Variants in MTTP observed in about 807,000 individuals in gnomAD.
MTTP encodes microsomal triglyceride transfer protein large subunit.
A neutral mutation model predicts 90.6 loss-of-function variants in MTTP; 49 were observed. The observed-to-expected ratio is 0.54, with a 90% CI of 0.43 to 0.69. The LOEUF is 0.69. MTTP is among the 30% of genes least tolerant of loss of function. The pLI is 0.00. For missense variants in MTTP, 945 were observed against 1,067.5 expected, an observed-to-expected ratio of 0.89 and a Z score of 1.60; for synonymous variants, 347 against 384.2, an observed-to-expected ratio of 0.90 and a Z score of 1.13.
Position 99,591,289 on chromosome 4 carries a change from AT to A in MTTP, c.557del (p.Ile186ThrfsTer11). 6.2e-7 allele frequency: 1 copy of A among 1,614,096 alleles called. No individual in the cohort carries two copies. The highest frequency in any genetic ancestry group is 8.5e-7 in the Non-Finnish European group (1 of 1,179,950). On this transcript the variant is annotated frameshift_variant, in exon 5 of 18. Coordinates refer to ENST00000265517, the MANE Select transcript of MTTP (RefSeq NM_001386140.1). LOFTEE classifies it high-confidence loss of function. Reference sequence around the variant, plus strand: ...CTACCAGGCTCATCAAGACAAAGTGATCAAAATTAAGGCCTTGGATTCATGC... The same window carrying A: ...CTACCAGGCTCATCAAGACAAAGTGACAAAATTAAGGCCTTGGATTCATGC... ...VTYQAHQDKV[I>X]KIKALDSCKI...
Position 99,610,820 on chromosome 4 carries a change from A to C in MTTP, c.1770-323A>C, listed in dbSNP as rs533705704. Reference sequence around the variant, plus strand: ...CAATTTTCCTTTAAGTGTATGCACTATTAAACAATAAAACCATGACGAATC... The same window carrying C: ...CAATTTTCCTTTAAGTGTATGCACTCTTAAACAATAAAACCATGACGAATC... On this transcript the variant is annotated intron_variant, in intron 12 of 17. Coordinates refer to ENST00000265517, the MANE Select transcript of MTTP (RefSeq NM_001386140.1). 3.3e-5 allele frequency among the ~76,000 whole-genome samples: 5 copies of C among 152,348 alleles called. No individual in the cohort carries two copies. In the South Asian group the frequency reaches 1.0e-3, roughly 32 times the overall value.
chr4:99,622,753 G>C lies in MTTP; in HGVS notation c.2590G>C (p.Ala864Pro), dbSNP rs374454636. Residue 864 changes from alanine to proline, a missense_variant, in exon 18 of 18, where the codon GCA becomes CCA. Physicochemically the swap from Ala to Pro is conservative, Grantham distance 27. Coordinates refer to ENST00000265517, the MANE Select transcript of MTTP (RefSeq NM_001386140.1). ...TCAGAAAAGAAAAGAAAGCGTATTA[G>C]CAGGATGTGAATTCCCGCTCCATCA... ...VSQKRKESVLAGCEFPLHQEN... is the reference protein window; with the variant it reads ...VSQKRKESVLPGCEFPLHQEN... The C allele has an allele frequency of 1.2e-6, 2 of 1,613,996 alleles. No homozygotes were observed. The highest frequency in any genetic ancestry group is 1.3e-5 in the African/African-American group (1 of 74,912).
intron 5 of MTTP, 53 bp downstream of exon 5, chr4:99,591,404 GA>G: frequency 7.4e-7 from 1 of 1,345,044 alleles, no homozygotes; most frequent in Non-Finnish European, 1.1e-6. Context: ...ATTTTGTAGA[GA>G]CTAATTTAAT....
chr4:99,617,970 T>C (rs1017091486), intron 15 of MTTP, among the ~76,000 whole-genome samples: 1 of 152,168 alleles, frequency 6.6e-6, no homozygotes, highest in Non-Finnish European at 1.5e-5. Flanking sequence ...GGAACTTGTA[T>C]ACAGTTGGCG....
chr4:99,587,490 GT>G (rs1383092156), intron 3 of MTTP, among the ~76,000 whole-genome samples: 2 of 152,166 alleles, frequency 1.3e-5, no homozygotes, highest in Non-Finnish European at 2.9e-5. Flanking sequence ...ATCCATTGCA[GT>G]GGGTCAGTAA....
At chr4:99,569,134 A>T (rs1367280282) in intron 1 of MTTP, among the ~76,000 whole-genome samples, 1 of 152,178 alleles carries the variant, frequency 6.6e-6, no homozygotes, top group African/African-American at 2.4e-5. Flanking sequence ...GAGATAAATC[A>T]TGTTGATATT....
At chr4:99,621,506 T>A (rs567386088) in intron 17 of MTTP, among the ~76,000 whole-genome samples, 1 of 152,210 alleles carries the variant, frequency 6.6e-6, no homozygotes, top group Non-Finnish European at 1.5e-5. Context: ...GAAAGGCCTA[T>A]GATTTACCAT....
chr4:99,591,859 T>C (rs1474233003), intron 6 of MTTP, 69 bp downstream of exon 6: 1 of 1,373,960 alleles, frequency 7.3e-7, no homozygotes, highest in Non-Finnish European at 1.0e-6. Context: ...GATTTGTAAA[T>C]AGATCTGTGT....
At chr4:99,583,215 T>G (rs913383715) in intron 2 of MTTP, among the ~76,000 whole-genome samples, 159 bp from the exon 3 acceptor site, 1 of 152,174 alleles carries the variant, frequency 6.6e-6, no homozygotes, top group Admixed American at 6.6e-5. Flanking sequence ...CTCCATTCTT[T>G]TAAAGTGAGT....
intron 7 of MTTP, chr4:99,595,585 T>C (rs556041992): frequency 6.5e-6 from 1 of 152,736 alleles, no homozygotes; most frequent in East Asian, 1.9e-4. Flanking sequence ...TGCTCTTTCC[T>C]TCAGTATTAC....
intron 15 of MTTP, among the ~76,000 whole-genome samples, chr4:99,613,955 G>T (rs919438867): frequency 6.6e-6 from 1 of 152,076 alleles, no homozygotes; most frequent in African/African-American, 2.4e-5. Context: ...TTTATTTTCT[G>T]CTTCACTAAG....
At chr4:99,607,701 A>G (rs577929378) in intron 11 of MTTP, among the ~76,000 whole-genome samples, 3 of 152,358 alleles carry the variant, frequency 2.0e-5, no homozygotes, top group African/African-American at 7.2e-5. Context: ...CAATGAAGTT[A>G]CTTGTTGCTA....
rs1440702603 is a variant in MTTP at position 99,618,995 on chromosome 4, C to A, written c.2239C>A (p.Leu747Ile). 1 of 1,612,932 alleles carries A rather than the reference C, an allele frequency of 6.2e-7. No individual in the cohort carries two copies. The highest frequency in any genetic ancestry group is 2.2e-5 in the East Asian group (1 of 44,814). ...CTAGGAACTTCAGTTACAATCTGGACTAAAAGCCAATATAGAGGTCCAGGG... is the reference window on the plus strand; with the variant it reads ...CTAGGAACTTCAGTTACAATCTGGAATAAAAGCCAATATAGAGGTCCAGGG... ...HSQELQLQSG[L>I]KANIEVQGGL... Residue 747 changes from leucine (L) to isoleucine (I), a missense_variant, in exon 16 of 18, where the codon CTA becomes ATA. Leu to Ile is a conservative substitution (Grantham distance 5). Coordinates refer to ENST00000265517, the MANE Select transcript of MTTP (RefSeq NM_001386140.1).
intron 4 of MTTP, 30 bp downstream of exon 4, chr4:99,589,780 A>T (rs759504728): frequency 7.5e-7 from 1 of 1,339,486 alleles, no homozygotes; most frequent in Non-Finnish European, 1.1e-6. Context: ...AGGATTCAGC[A>T]TCTCAATAAA....
intron 2 of MTTP, 80 bp downstream of exon 2, chr4:99,582,172 T>C (rs1725136832): frequency 7.1e-7 from 1 of 1,400,064 alleles, no homozygotes; most frequent in African/African-American, 1.4e-5. Context: ...AGCACTTGTA[T>C]TGGGTTCCCG....
chr4:99,574,659 A>T (rs1030039578), upstream of MTTP: 16 of 756,252 alleles, frequency 2.1e-5, no homozygotes, highest in African/African-American at 2.6e-4. Flanking sequence ...AAGTTTCCTC[A>T]TTGGGTGAAA....
At position 99,609,566 on chromosome 4, in the gene MTTP, G is replaced by A. The variant is rs181599220; in HGVS notation, c.1769+589G>A. Among the ~76,000 whole-genome samples the A allele has an allele frequency of 1.2e-3, 176 of 152,246 alleles. 3 individuals are homozygous for A. Among genetic ancestry groups the A allele is most frequent in the Middle Eastern group, 6.8e-3 (2 of 294 alleles). On this transcript the variant is annotated intron_variant, in intron 12 of 17. Transcript: ENST00000265517. ...CCAAGGTGCCTCCTCCCTGGAATTAGAGGGTCAGAGAAGGAAGTTTCATTT... is the reference window on the plus strand; with the variant it reads ...CCAAGGTGCCTCCTCCCTGGAATTAAAGGGTCAGAGAAGGAAGTTTCATTT...
At chr4:99,589,320 T>C (rs1725355416) in intron 3 of MTTP, among the ~76,000 whole-genome samples, 1 of 151,938 alleles carries the variant, frequency 6.6e-6, no homozygotes, top group Non-Finnish European at 1.5e-5. Context: ...CATGCTGACA[T>C]GTTCAAACAG....
intron 3 of MTTP, among the ~76,000 whole-genome samples, 168 bp from the exon 4 acceptor site, chr4:99,589,475 G>T (rs1272492439): frequency 1.3e-5 from 2 of 152,050 alleles, no homozygotes; most frequent in African/African-American, 4.8e-5. Context: ...TGGTCTCAGA[G>T]ATTTAAATAG....
Sources: gnomAD v4.1 joint callset for allele counts (sites outside exome capture counted in the v4.1 genomes callset) on GRCh38, gnomAD v4.1.1 for gene constraint, MANE v1.5 for transcripts, NCBI Gene and HGNC (gene_info 2026-07-23, HGNC 2026-07-21) for gene names.